STX18: variants seen among roughly 807,000 people sequenced by gnomAD.
STX18 encodes the protein syntaxin 18.
A neutral mutation model predicts 50.1 loss-of-function variants in STX18; 40 were observed. The ratio of observed to expected loss-of-function variants is 0.80; its 90% confidence interval spans 0.62 to 1.04. The LOEUF (loss-of-function observed/expected upper bound fraction) is 1.04, where lower values mean the gene tolerates loss of function less well. Among genes scored for constraint, STX18 ranks in the 50% least tolerant of loss-of-function variants. The pLI is 0.00. For missense variants in STX18, 410 were observed against 415.8 expected (o/e 0.99, Z 0.12); for synonymous variants, 158 against 151.8 (o/e 1.04, Z -0.30).
Position 4,420,679 on chromosome 4 carries a change from T to C in STX18, c.912+185A>G. ...TGAGCCACTGCCTCTCGAAAGCAGC[T>C]GGAGGTGGGCGACAGGTGGTGGGTC... On this transcript the variant is annotated intron_variant, in intron 10 of 10. Transcript: ENST00000306200. The surrounding 1 kb of genome is among the most constrained non-coding windows in gnomAD (Gnocchi z 4.3). The C allele has an allele frequency of 1.7e-6, 1 of 595,654 alleles. No individual in the cohort carries two copies. 36.9% of individuals were successfully genotyped at this position (595,654 alleles called of 1,614,324 possible).
chr4:4,431,089 T>G lies in STX18; in HGVS notation c.702+3681A>C, dbSNP rs79210619. On this transcript the variant is annotated intron_variant, in intron 7 of 10. Transcript: ENST00000306200. ...TTAACATGCTTAGCTCACCATTGCC[T>G]GCCAGAGAAAGGCAAAAATCCTCAG... 8.6e-3 allele frequency among the ~76,000 whole-genome samples: 1,308 copies of G among 152,196 alleles called. 16 individuals carry two copies. The highest frequency in any genetic ancestry group is 0.03 in the African/African-American group (1,254 of 41,498).
At chr4:4,507,814 G>C in intron 1 of STX18, 45 of 191,384 alleles carry the variant, frequency 2.4e-4, no homozygotes, top group Non-Finnish European at 2.7e-4. Flanking sequence ...TATATTCACA[G>C]TAAAAAAAAA....
chr4:4,453,628 A>G, intron 5 of STX18: 4 of 968,706 alleles, frequency 4.1e-6, no homozygotes, highest in Non-Finnish European at 4.9e-6. Flanking sequence ...CACCTGTGAT[A>G]TCTCCGAGGT....
intron 1 of STX18, among the ~76,000 whole-genome samples, chr4:4,486,336 T>C (rs1299240802): frequency 6.6e-6 from 1 of 152,160 alleles, no homozygotes; most frequent in East Asian, 1.9e-4. Context: ...GAAAGTCTGC[T>C]CATAAGAAAT....
At chr4:4,536,963 T>G (rs915813333) in intron 1 of STX18, among the ~76,000 whole-genome samples, 36 of 152,242 alleles carry the variant, frequency 2.4e-4, no homozygotes, top group African/African-American at 7.2e-4. Context: ...ATGTGGAAAC[T>G]GAGGCCCAGA....
intron 1 of STX18, among the ~76,000 whole-genome samples, chr4:4,516,648 A>C (rs1730281230): frequency 6.6e-6 from 1 of 152,228 alleles, no homozygotes; most frequent in African/African-American, 2.4e-5. Context: ...GTAATCTTAG[A>C]TACTTGCAAC....
At chr4:4,501,224 A>AAC (rs1729442891) in intron 1 of STX18, among the ~76,000 whole-genome samples, 1 of 152,104 alleles carries the variant, frequency 6.6e-6, no homozygotes, top group African/African-American at 2.4e-5. Context: ...TCCTTAACAT[A>AAC]ACAGCTTTAA....
chr4:4,481,634 A>T (rs1290630854), intron 1 of STX18: 1 of 152,240 alleles, frequency 6.6e-6, no homozygotes, highest in Non-Finnish European at 1.5e-5. Context: ...CACTGACTAA[A>T]TTCCGAGTCT....
intron 5 of STX18, among the ~76,000 whole-genome samples, chr4:4,444,017 T>C (rs1463810370): frequency 6.6e-6 from 1 of 152,338 alleles, no homozygotes; most frequent in East Asian, 1.9e-4. Flanking sequence ...TATCTTTGTA[T>C]ACCTGGGGGC....
intron 1 of STX18, among the ~76,000 whole-genome samples, chr4:4,526,563 C>T (rs551325146): frequency 3.3e-5 from 5 of 152,222 alleles, no homozygotes; most frequent in Admixed American, 3.3e-4. Context: ...TCCCAATATA[C>T]GACTTCATGT....
chr4:4,478,669 T>G (rs1044442238), intron 1 of STX18: 4 of 152,250 alleles, frequency 2.6e-5, no homozygotes, highest in Admixed American at 1.3e-4. Context: ...CCACTTACTG[T>G]GAAGGGATTC....
chr4:4,511,944 G>A (rs551893636), intron 1 of STX18, among the ~76,000 whole-genome samples: 273 of 152,200 alleles, frequency 1.8e-3, no homozygotes, highest in Middle Eastern at 0.017. Context: ...GGGCGGAGGT[G>A]GGGGTGTTTG....
intron 9 of STX18, among the ~76,000 whole-genome samples, 164 bp from the exon 10 acceptor site, chr4:4,421,108 A>G (rs1724935818): frequency 1.3e-5 from 2 of 152,218 alleles, no homozygotes; most frequent in South Asian, 4.1e-4. Flanking sequence ...GATGCTTGAC[A>G]TATACAGCCA....
chr4:4,444,407 T>G (rs1726280589), intron 5 of STX18, among the ~76,000 whole-genome samples: 1 of 152,196 alleles, frequency 6.6e-6, no homozygotes, highest in Non-Finnish European at 1.5e-5. Flanking sequence ...AACTACGGCC[T>G]GCTATGCTAG....
chr4:4,434,402 A>G (rs1725674626), intron 7 of STX18, among the ~76,000 whole-genome samples: 1 of 152,230 alleles, frequency 6.6e-6, no homozygotes, highest in African/African-American at 2.4e-5. Context: ...TTCAGTCATT[A>G]TCTTACTTTT....
intron 6 of STX18, chr4:4,437,685 G>GTCTC: frequency 1.1e-6 from 1 of 935,412 alleles, no homozygotes; most frequent in Non-Finnish European, 1.3e-6. Context: ...GGACTCCCAG[G>GTCTC]TCTCTCCTGG....
intron 1 of STX18, among the ~76,000 whole-genome samples, chr4:4,541,352 T>C (rs1731584592): frequency 6.6e-6 from 1 of 152,194 alleles, no homozygotes; most frequent in Non-Finnish European, 1.5e-5. Flanking sequence ...AGAGTTCGGC[T>C]GAATACAGTT....
intron 1 of STX18, among the ~76,000 whole-genome samples, chr4:4,531,617 T>A (rs950698707): frequency 3.3e-5 from 5 of 152,208 alleles, no homozygotes; most frequent in Admixed American, 2.0e-4. Context: ...CTGGTTTCCT[T>A]ACTGTCACTG....
intron 2 of STX18, among the ~76,000 whole-genome samples, chr4:4,463,410 A>G (rs542261790): frequency 4.6e-5 from 7 of 152,358 alleles, no homozygotes; most frequent in African/African-American, 1.7e-4. Flanking sequence ...TTAAAAGTAT[A>G]TTTAAAATGT....
Sources: allele counts gnomAD v4.1 joint callset (sites outside exome capture counted in the v4.1 genomes callset), GRCh38; gene constraint gnomAD v4.1.1; non-coding constraint Gnocchi (gnomAD v3.1); transcripts MANE v1.5; gene names NCBI Gene and HGNC (gene_info 2026-07-23, HGNC 2026-07-21).